UNC5C: variants seen among roughly 807,000 people sequenced by gnomAD.
UNC5C encodes unc-5 netrin receptor C.
A neutral mutation model predicts 99.8 loss-of-function variants in UNC5C; 47 were observed. That is an observed-to-expected ratio of 0.47 (90% CI 0.37 to 0.60). The LOEUF (loss-of-function observed/expected upper bound fraction) is 0.60. Ranked by LOEUF, UNC5C falls within the 20% of genes least tolerant of loss-of-function variation. The pLI, the probability that UNC5C is intolerant of heterozygous loss-of-function variation, is 0.00. For synonymous variants in UNC5C, 487 were observed against 452.2 expected (o/e 1.08, Z -0.98); for missense variants, 1,062 against 1,165.9 (o/e 0.91, Z 1.30).
intron 10 of UNC5C, among the ~76,000 whole-genome samples, chr4:95,211,719 A>G (rs910246403): frequency 6.6e-6 from 1 of 152,194 alleles, no homozygotes; most frequent in Non-Finnish European, 1.5e-5. Flanking sequence ...CCGCTCGCCT[A>G]CTTTATCTTA....
At position 95,344,367 on chromosome 4, in the gene UNC5C, G is replaced by A. The variant is rs1424516574; in HGVS notation, c.125-8736C>T. Reference sequence around the variant, plus strand: ...AGAGAAAATATACTTCAAACATAAAGGAGAAATAAAGACTTTCCAGACAAA... The same window carrying A: ...AGAGAAAATATACTTCAAACATAAAAGAGAAATAAAGACTTTCCAGACAAA... On this transcript the variant is annotated intron_variant, in intron 1 of 15. Coordinates refer to ENST00000453304, the MANE Select transcript of UNC5C (RefSeq NM_003728.4). Among the ~76,000 whole-genome samples the A allele has an allele frequency of 3.3e-5, 5 of 151,978 alleles. No homozygotes were observed. In the South Asian group the frequency reaches 8.3e-4, roughly 25 times the overall value.
At chr4:95,546,044 TC>T (rs1232707095) in intron 1 of UNC5C, among the ~76,000 whole-genome samples, 3 of 152,230 alleles carry the variant, frequency 2.0e-5, no homozygotes, top group Non-Finnish European at 4.4e-5. Context: ...ATCTGTTGTT[TC>T]CTTGATTATC....
chr4:95,391,627 T>C (rs913669287), intron 1 of UNC5C, among the ~76,000 whole-genome samples: 1 of 152,094 alleles, frequency 6.6e-6, no homozygotes, highest in Non-Finnish European at 1.5e-5. Context: ...TAACTCTGTA[T>C]TGATGTATTA....
intron 1 of UNC5C, among the ~76,000 whole-genome samples, chr4:95,472,617 C>G (rs527482097): frequency 6.6e-6 from 1 of 152,058 alleles, no homozygotes; most frequent in Non-Finnish European, 1.5e-5. Flanking sequence ...CTGTGCTGAG[C>G]CCCATGGTAC....
chr4:95,204,810 A>G (rs28473331), intron 11 of UNC5C, among the ~76,000 whole-genome samples: 47,514 of 152,156 alleles, frequency 0.31, 8,905 homozygotes, highest in Admixed American at 0.44. Context: ...TTTAGTTCAG[A>G]GGGCTACACA....
intron 1 of UNC5C, among the ~76,000 whole-genome samples, chr4:95,421,787 T>C (rs778003272): frequency 4.6e-5 from 7 of 152,206 alleles, no homozygotes; most frequent in African/African-American, 1.7e-4. Context: ...GCACTCAGTC[T>C]GCTAATTATG....
chr4:95,217,647 A>G (rs1738298301), intron 9 of UNC5C, among the ~76,000 whole-genome samples: 1 of 152,220 alleles, frequency 6.6e-6, no homozygotes, highest in Admixed American at 6.5e-5. Context: ...ACTCCCTTCC[A>G]CTTAAGAGGC....
intron 1 of UNC5C, among the ~76,000 whole-genome samples, chr4:95,432,393 A>G (rs564204723): frequency 3.9e-5 from 6 of 152,268 alleles, no homozygotes; most frequent in African/African-American, 1.2e-4. Flanking sequence ...TTTATTTTTT[A>G]AATGTCTGAT....
At chr4:95,453,379 G>T (rs558331386) in intron 1 of UNC5C, among the ~76,000 whole-genome samples, 1 of 151,888 alleles carries the variant, frequency 6.6e-6, no homozygotes, top group Non-Finnish European at 1.5e-5. Flanking sequence ...ACAAGGTAAG[G>T]TCAATTTTAA....
chr4:95,366,874 T>C (rs2626039), intron 1 of UNC5C, among the ~76,000 whole-genome samples: 94,746 of 152,104 alleles, frequency 0.62, 31,146 homozygotes, highest in African/African-American at 0.83. Context: ...TTTCTGTTTT[T>C]GCCCAAGTAT....
intron 12 of UNC5C, among the ~76,000 whole-genome samples, chr4:95,190,688 A>G (rs770851501): frequency 1.3e-5 from 2 of 151,808 alleles, no homozygotes; most frequent in Admixed American, 6.6e-5. Flanking sequence ...TAGGTCATCA[A>G]TAAATGTGTC....
chr4:95,455,182 A>T (rs534321504), intron 1 of UNC5C, among the ~76,000 whole-genome samples: 2 of 152,228 alleles, frequency 1.3e-5, no homozygotes, highest in South Asian at 4.1e-4. Flanking sequence ...GTCATCACAG[A>T]GGTCAATATT....
At chr4:95,213,989 T>C (rs555850619) in intron 10 of UNC5C, among the ~76,000 whole-genome samples, 5 of 152,346 alleles carry the variant, frequency 3.3e-5, no homozygotes, top group Non-Finnish European at 2.9e-5. Flanking sequence ...AGGTACTAAC[T>C]GAAACCTTGG....
intron 1 of UNC5C, among the ~76,000 whole-genome samples, chr4:95,453,753 T>C (rs1747350665): frequency 6.6e-6 from 1 of 152,060 alleles, no homozygotes; most frequent in South Asian, 2.1e-4. Flanking sequence ...TAGAGGGTGA[T>C]ACTTGTTCTG....
chr4:95,447,164 C>A (rs1747130135), intron 1 of UNC5C, among the ~76,000 whole-genome samples: 1 of 151,966 alleles, frequency 6.6e-6, no homozygotes, highest in African/African-American at 2.4e-5. Flanking sequence ...AATTGAAGAG[C>A]TAGAGATTAG....
chr4:95,259,422 A>G (rs1224428897), intron 4 of UNC5C, among the ~76,000 whole-genome samples: 1 of 152,246 alleles, frequency 6.6e-6, no homozygotes, highest in Non-Finnish European at 1.5e-5. Flanking sequence ...AAAAACTAGA[A>G]GAAAAATATT....
chr4:95,261,236 A>G (rs73837518), intron 4 of UNC5C, among the ~76,000 whole-genome samples: 2,163 of 152,218 alleles, frequency 0.014, 40 homozygotes, highest in African/African-American at 0.047. Flanking sequence ...GTCCCCAGGG[A>G]AGCAGAGAGG....
intron 1 of UNC5C, among the ~76,000 whole-genome samples, chr4:95,442,321 G>A (rs1169231489): frequency 6.6e-6 from 1 of 151,396 alleles, no homozygotes; most frequent in Admixed American, 6.6e-5. Context: ...TCTCACATTA[G>A]CCCCCTGTGT....
intron 1 of UNC5C, among the ~76,000 whole-genome samples, chr4:95,439,106 C>A (rs1578163871): frequency 2.6e-5 from 4 of 152,094 alleles, no homozygotes; most frequent in Non-Finnish European, 5.9e-5. Flanking sequence ...AAAAATTATA[C>A]CCTGGTGCAT....
Sources: allele counts gnomAD v4.1 joint callset (sites outside exome capture counted in the v4.1 genomes callset), GRCh38; gene constraint gnomAD v4.1.1; transcripts MANE v1.5; gene names NCBI Gene and HGNC (gene_info 2026-07-23, HGNC 2026-07-21).